RFFL: variants seen among roughly 807,000 people sequenced by gnomAD.
The protein encoded by RFFL is E3 ubiquitin-protein ligase rififylin.
A neutral mutation model predicts 40.4 loss-of-function variants in RFFL; 16 were observed. The ratio of observed to expected loss-of-function variants is 0.40; its 90% CI spans 0.27 to 0.60. The LOEUF is 0.60. Ranked by LOEUF, RFFL falls within the 20% of genes least tolerant of loss-of-function variation. RFFL has a pLI of 0.47. For missense variants in RFFL, 367 were observed against 451.7 expected (o/e 0.81, Z 1.70); for synonymous variants, 154 against 167.9 (o/e 0.92, Z 0.64).
intron 1 of RFFL, among the ~76,000 whole-genome samples, chr17:35,050,596 C>T (rs1227074799): frequency 6.6e-6 from 1 of 151,452 alleles, no homozygotes; most frequent in African/African-American, 2.4e-5. Flanking sequence ...TGGGCTCAAG[C>T]GATCCTCCCG....
At chr17:35,036,036 A>G (rs1000598949) in intron 1 of RFFL, among the ~76,000 whole-genome samples, 1 of 152,096 alleles carries the variant, frequency 6.6e-6, no homozygotes, top group African/African-American at 2.4e-5. Flanking sequence ...AAAAAGAAAC[A>G]TGTCCTAATG....
At chr17:35,073,832 TCTC>T (rs992479372) in intron 1 of RFFL, 1 of 152,084 alleles carries the variant, frequency 6.6e-6, no homozygotes, top group African/African-American at 2.4e-5. Context: ...AGTGAACTCT[TCTC>T]TAACCTAATG....
chr17:35,033,703 A>C (rs2091100541), intron 1 of RFFL, among the ~76,000 whole-genome samples: 1 of 151,668 alleles, frequency 6.6e-6, no homozygotes, highest in Non-Finnish European at 1.5e-5. Context: ...GAAAAGTGAA[A>C]GTACAAAATA....
chr17:35,043,658 G>A (rs1448597098), intron 1 of RFFL, among the ~76,000 whole-genome samples: 1 of 152,182 alleles, frequency 6.6e-6, no homozygotes, highest in African/African-American at 2.4e-5. Context: ...AATTGGGGGA[G>A]TTATTCAGAA....
intron 1 of RFFL, among the ~76,000 whole-genome samples, chr17:35,059,548 C>T (rs2091280341): frequency 6.6e-6 from 1 of 152,172 alleles, no homozygotes; most frequent in African/African-American, 2.4e-5. Flanking sequence ...CACCAAAAGT[C>T]TTCGGGTAAT....
At chr17:35,061,183 C>G (rs1391804529) in intron 1 of RFFL, among the ~76,000 whole-genome samples, 4 of 152,002 alleles carry the variant, frequency 2.6e-5, no homozygotes, top group Non-Finnish European at 5.9e-5. Flanking sequence ...CAAATGGCAC[C>G]TTAAATGAAA....
intron 1 of RFFL, among the ~76,000 whole-genome samples, chr17:35,079,704 G>C (rs1348528600): frequency 6.6e-6 from 1 of 152,154 alleles, no homozygotes; most frequent in Non-Finnish European, 1.5e-5. Context: ...TAGATCAATG[G>C]GAGTGGTGGG....
intron 1 of RFFL, among the ~76,000 whole-genome samples, chr17:35,039,741 G>T (rs559309460): frequency 5.5e-4 from 82 of 150,212 alleles, no homozygotes; most frequent in African/African-American, 1.7e-3. Context: ...GCAATGGCAC[G>T]ATCTCAGTTC....
chr17:35,020,818 C>T (rs569307240), intron 3 of RFFL, among the ~76,000 whole-genome samples: 1 of 152,220 alleles, frequency 6.6e-6, no homozygotes, highest in South Asian at 2.1e-4. Context: ...CACTTCCAAG[C>T]CCCCCAGGAT....
chr17:35,056,127 G>T (rs113722883), intron 1 of RFFL, among the ~76,000 whole-genome samples: 1 of 151,956 alleles, frequency 6.6e-6, no homozygotes, highest in African/African-American at 2.4e-5. Flanking sequence ...CAGGTCTTGG[G>T]TATTGACTTG....
intron 1 of RFFL, among the ~76,000 whole-genome samples, chr17:35,083,868 G>T (rs1424782621): frequency 2.6e-5 from 4 of 151,292 alleles, no homozygotes; most frequent in Non-Finnish European, 5.9e-5. Context: ...AGGAGATAAT[G>T]CCCCCCCCAC....
At chr17:35,017,168 C>G (rs1239495364) in intron 4 of RFFL, among the ~76,000 whole-genome samples, 1 of 152,142 alleles carries the variant, frequency 6.6e-6, no homozygotes, top group Non-Finnish European at 1.5e-5. Context: ...GGCTAATTGT[C>G]TGACCTCCTT....
rs539109975 is a variant in RFFL, at chr17:35,079,434, A to C, written c.-9+9671T>G. ...ATAGATAGCCTGTATCTCAAATAAAAACCTAATTAGATAGTAATTGTCAAC... is the reference window on the plus strand; with the variant it reads ...ATAGATAGCCTGTATCTCAAATAAACACCTAATTAGATAGTAATTGTCAAC... On this transcript the variant is annotated intron_variant, in intron 1 of 6. Coordinates refer to the RFFL transcript ENST00000315249. Among the ~76,000 whole-genome samples the C allele has an allele frequency of 6.2e-4, 94 of 152,378 alleles. No individual in the cohort carries two copies. The Middle Eastern group carries it at 0.014, about 22-fold the overall frequency.
At chr17:35,024,324 G>A (rs1000407234) in intron 2 of RFFL, among the ~76,000 whole-genome samples, 3 of 152,038 alleles carry the variant, frequency 2.0e-5, no homozygotes, top group African/African-American at 7.2e-5. Flanking sequence ...AAGGTAACAC[G>A]GTTACCTTTT....
At position 35,010,010 on chromosome 17, in the gene RFFL, C is replaced by T. The variant is rs968232785; in HGVS notation, c.*1958G>A. 1 of 152,662 alleles carries T rather than the reference C, an allele frequency of 6.6e-6. No homozygotes were observed. Among genetic ancestry groups the T allele is most frequent in the Non-Finnish European group, 1.5e-5 (1 of 68,040 alleles). The allele number at this position is 152,662 out of a possible 1,614,324, so 9.5% of individuals were successfully genotyped here. A position where few individuals can be genotyped will look rare whatever the true frequency, so the allele number is the denominator to read the frequency against. ...CTGATTCCCCCAACTCCTGCAAAGG[C>T]TGTGGTTCAGAATCAAATCATCCAG... On this transcript the variant is annotated 3_prime_UTR_variant, in exon 7 of 7. Transcript: ENST00000394597.
At position 35,039,921 on chromosome 17, in the gene RFFL, C is replaced by T. The variant is rs567217977; in HGVS notation, c.-8-13360G>A. 8.5e-5 allele frequency among the ~76,000 whole-genome samples: 13 copies of T among 152,190 alleles called. No homozygotes were observed. In the South Asian group the frequency reaches 2.7e-3, roughly 32 times the overall value. On this transcript the variant is annotated intron_variant, in intron 1 of 6. Coordinates refer to ENST00000394597, the MANE Select transcript of RFFL (RefSeq NM_001017368.2). ...AACACCCAACCACAGGTGATCTGCCCACCTCGGCCTCCCAAAGTGCTGGGA... is the reference window on the plus strand; with the variant it reads ...AACACCCAACCACAGGTGATCTGCCTACCTCGGCCTCCCAAAGTGCTGGGA...
At position 35,009,488 on chromosome 17, in the gene RFFL, A is replaced by G. The variant is rs2090921069; in HGVS notation, c.*2480T>C. ...CCATGAGGGGCAGAAGGGAGGATTC[A>G]AAGATTTAAAAAAAATCAAATTTTA... On this transcript the variant is annotated 3_prime_UTR_variant, in exon 7 of 7. Coordinates refer to ENST00000394597, the MANE Select transcript of RFFL (RefSeq NM_001017368.2). The G allele has an allele frequency of 6.6e-6, 1 of 152,156 alleles. No homozygotes were observed. The highest frequency in any genetic ancestry group is 2.4e-5 in the African/African-American group (1 of 41,434). 9.4% of individuals were successfully genotyped at this position (152,156 alleles called of 1,614,324 possible).
chr17:35,024,564 T>C lies in RFFL; in HGVS notation c.180+1810A>G, dbSNP rs139224587. On this transcript the variant is annotated intron_variant, in intron 2 of 6. Coordinates refer to ENST00000394597, the MANE Select transcript of RFFL (RefSeq NM_001017368.2). ...AAAAGTACAGCCTGCCATTTCTCTT[T>C]AGGACTGAAAACTCAGGGAATGCAA... Among the ~76,000 whole-genome samples, 552 of 152,290 alleles carry C rather than the reference T, an allele frequency of 3.6e-3. 4 individuals carry two copies. Among genetic ancestry groups the C allele is most frequent in the African/African-American group, 0.013 (535 of 41,556 alleles).
intron 1 of RFFL, chr17:35,036,513 C>T (rs1018355235): frequency 6.6e-6 from 1 of 152,230 alleles, no homozygotes; most frequent in Non-Finnish European, 1.5e-5. Flanking sequence ...TCCTCTTCCA[C>T]TTTCCCTAAA....
Sources: gnomAD v4.1 joint callset for allele counts (sites outside exome capture counted in the v4.1 genomes callset) on GRCh38, gnomAD v4.1.1 for gene constraint, MANE v1.5 for transcripts, NCBI Gene and HGNC (gene_info 2026-07-23, HGNC 2026-07-21) for gene names.